EYS: variants seen among roughly 807,000 people sequenced by gnomAD.
EYS encodes EGF-like photoreceptor maintenance factor, also known as protein eyes shut homolog.
Under a neutral mutation model 282.1 loss-of-function variants are expected in EYS, and 250 were observed. The observed-to-expected ratio is 0.89, with a 90% CI of 0.80 to 0.98. The LOEUF is 0.98. EYS is among the 50% of genes least tolerant of loss of function. The pLI is 0.00. For synonymous variants in EYS, 1,355 were observed against 1,282.9 expected (o/e 1.06, Z -1.20); for missense variants, 4,016 against 3,709.0 (o/e 1.08, Z -2.15).
At chr6:64,869,614 A>G (rs927642594) in intron 19 of EYS, among the ~76,000 whole-genome samples, 1 of 151,682 alleles carries the variant, frequency 6.6e-6, no homozygotes, top group African/African-American at 2.4e-5. Flanking sequence ...ATATTTCTGT[A>G]GAAGAAACAT....
intron 30 of EYS, among the ~76,000 whole-genome samples, chr6:64,238,694 T>C (rs1458398641): frequency 6.6e-6 from 1 of 152,164 alleles, no homozygotes; most frequent in African/African-American, 2.4e-5. Flanking sequence ...ACACCATCAA[T>C]TATTTAGTAG....
In EYS at chr6:65,402,611, A is replaced by G; in HGVS notation, c.1057-6T>C. The stretch of plus-strand genomic sequence containing the variant: ...GAACAGATGCACATAACATCCTAGG[A>G]AAGATTAAAAAAATATTTTTACAAA... On this transcript the variant is annotated splice_polypyrimidine_tract_variant and splice_region_variant and intron_variant, in intron 6 of 42. Transcript: ENST00000503581. The G allele has an allele frequency of 6.4e-7, 1 of 1,554,006 alleles. No individual in the cohort carries two copies. The highest frequency in any genetic ancestry group is 8.9e-7 in the Non-Finnish European group (1 of 1,127,296).
At chr6:64,212,493 C>T (rs1253305095) in intron 31 of EYS, among the ~76,000 whole-genome samples, 2 of 151,524 alleles carry the variant, frequency 1.3e-5, no homozygotes, top group African/African-American at 4.8e-5. Flanking sequence ...TATATATACA[C>T]TCATACATAT....
In EYS at chr6:63,737,222, G is replaced by A. The variant is rs576301881; in HGVS notation, c.8072-10542C>T. Among the ~76,000 whole-genome samples the A allele has an allele frequency of 8.5e-5, 13 of 152,204 alleles. No homozygotes were observed. The East Asian group carries it at 2.3e-3, about 27-fold the overall frequency. ...CCATTCAGGATGATATTGGCTGTGG[G>A]TTTGTCATAGATAGCTCTTATGATT... On this transcript the variant is annotated intron_variant, in intron 41 of 42. Coordinates refer to ENST00000503581, the MANE Select transcript of EYS (RefSeq NM_001142800.2).
intron 31 of EYS, among the ~76,000 whole-genome samples, chr6:64,150,588 A>G (rs1774668385): frequency 6.6e-6 from 1 of 152,240 alleles, no homozygotes; most frequent in African/African-American, 2.4e-5. Flanking sequence ...ATTACTTAAA[A>G]AGTGAAAATT....
chr6:64,350,551 T>C (rs1771588757), intron 29 of EYS, among the ~76,000 whole-genome samples: 1 of 151,564 alleles, frequency 6.6e-6, no homozygotes. Context: ...CACTCTCCTC[T>C]GGCATGTCAC....
At chr6:65,451,270 T>C (rs966737628) in intron 5 of EYS, among the ~76,000 whole-genome samples, 4 of 152,096 alleles carry the variant, frequency 2.6e-5, no homozygotes, top group African/African-American at 9.7e-5. Flanking sequence ...TTGTAGTGTT[T>C]ACTAATAGCA....
intron 12 of EYS, among the ~76,000 whole-genome samples, chr6:65,228,326 A>G (rs1257894825): frequency 6.6e-6 from 1 of 152,100 alleles, no homozygotes; most frequent in Non-Finnish European, 1.5e-5. Context: ...TATTAAAAAT[A>G]CTGAAACTAT....
chr6:64,619,514 T>G (rs1244369612), intron 23 of EYS, among the ~76,000 whole-genome samples: 1 of 151,460 alleles, frequency 6.6e-6, no homozygotes, highest in East Asian at 2.0e-4. Context: ...TTTGGGTGGG[T>G]GGGAATTTGG....
In EYS at chr6:63,984,543, C is replaced by G. The variant is rs1442317564; in HGVS notation, c.6895G>C (p.Ala2299Pro). The change falls in exon 35 of 43, where the codon GCA becomes CCA. Residue 2299 changes from alanine to proline, a missense_variant. By Grantham distance (27) the Ala-to-Pro change is conservative. Transcript: ENST00000503581. Reference protein sequence around the residue: ...IPANVQIHKKAGPVYGFRGCI... With the variant: ...IPANVQIHKKPGPVYGFRGCI... ...CCCCTGAACCCATAAACAGGACCTG[C>G]TTTCTTATGAATTTGAACATTTGCA... 1 of 1,549,640 alleles carries G rather than the reference C, an allele frequency of 6.5e-7. No homozygotes were observed. Among genetic ancestry groups the G allele is most frequent in the South Asian group, 1.2e-5 (1 of 84,020 alleles).
intron 22 of EYS, among the ~76,000 whole-genome samples, chr6:64,658,028 A>G (rs928011026): frequency 1.3e-5 from 2 of 152,232 alleles, no homozygotes; most frequent in East Asian, 3.9e-4. Flanking sequence ...ACATAGTCCC[A>G]TATTTCTGGG....
intron 30 of EYS, among the ~76,000 whole-genome samples, chr6:64,269,814 ACT>A (rs1767880157): frequency 2.0e-5 from 3 of 151,980 alleles, no homozygotes; most frequent in Admixed American, 2.0e-4. Flanking sequence ...AATACTGCTA[ACT>A]CTTTAATACA....
At chr6:65,663,871 T>TC (rs1190180339) in intron 1 of EYS, among the ~76,000 whole-genome samples, 2 of 136,238 alleles carry the variant, frequency 1.5e-5, no homozygotes, top group Admixed American at 7.4e-5. Flanking sequence ...CTTTTCTTTT[T>TC]TTTTTTTTTT....
At chr6:64,383,973 G>A (rs1023370968) in intron 29 of EYS, among the ~76,000 whole-genome samples, 12 of 152,120 alleles carry the variant, frequency 7.9e-5, no homozygotes, top group African/African-American at 2.9e-4. Context: ...GCTGGGACAA[G>A]TAATATAAGC....
At chr6:64,072,932 G>C (rs1037673197) in intron 32 of EYS, among the ~76,000 whole-genome samples, 1 of 151,840 alleles carries the variant, frequency 6.6e-6, no homozygotes, top group Admixed American at 6.6e-5. Flanking sequence ...TTCAAAAACT[G>C]AATTTTAAAG....
chr6:64,021,472 T>C (rs1769188917), intron 33 of EYS, among the ~76,000 whole-genome samples: 1 of 151,892 alleles, frequency 6.6e-6, no homozygotes, highest in Non-Finnish European at 1.5e-5. Context: ...CCTGGAATAA[T>C]AAAGAAGGAT....
chr6:65,558,497 G>A (rs1768906191), intron 2 of EYS, among the ~76,000 whole-genome samples: 1 of 152,156 alleles, frequency 6.6e-6, no homozygotes, highest in Non-Finnish European at 1.5e-5. Context: ...TGGGTCAGGA[G>A]CCACAGCTGG....
At chr6:63,871,849 C>A (rs960252461) in intron 35 of EYS, among the ~76,000 whole-genome samples, 1 of 152,066 alleles carries the variant, frequency 6.6e-6, no homozygotes, top group Non-Finnish European at 1.5e-5. Context: ...CTAGCTCTGC[C>A]GTTCTTTCCT....
At chr6:64,678,651 T>C (rs1769781274) in intron 22 of EYS, among the ~76,000 whole-genome samples, 1 of 152,306 alleles carries the variant, frequency 6.6e-6, no homozygotes, top group East Asian at 1.9e-4. Context: ...ATACAAGTTG[T>C]GTTTATTTGT....
Sources: gnomAD v4.1 joint callset for allele counts (sites outside exome capture counted in the v4.1 genomes callset) on GRCh38, gnomAD v4.1.1 for gene constraint, MANE v1.5 for transcripts, NCBI Gene and HGNC (gene_info 2026-07-23, HGNC 2026-07-21) for gene names.